Variants in FRMD4B observed in about 807,000 individuals in gnomAD.
The protein encoded by FRMD4B is FERM domain containing 4B, also known as FERM domain-containing protein 4B.
In FRMD4B, 74 loss-of-function variants were observed where a neutral mutation model predicts 141.5. That is an observed-to-expected ratio of 0.52 (90% CI 0.43 to 0.63). The LOEUF (loss-of-function observed/expected upper bound fraction) is 0.63. Among genes scored for constraint, FRMD4B ranks in the 30% least tolerant of loss-of-function variants. The probability of loss-of-function intolerance (pLI) is 0.00; values close to 1 mark genes in which losing one functional copy is unlikely to be tolerated. For missense variants in FRMD4B, 1,366 were observed against 1,253.4 expected (o/e 1.09, Z -1.36); for synonymous variants, 506 against 467.9 (o/e 1.08, Z -1.05).
At chr3:69,391,242 ATTTTTATTTT>A (rs1704376119) in intron 2 of FRMD4B, among the ~76,000 whole-genome samples, 1 of 144,614 alleles carries the variant, frequency 6.9e-6, no homozygotes, top group African/African-American at 2.6e-5. Flanking sequence ...TTATTTATTT[ATTTTTATTTT>A]TTTTTATTAT....
chr3:69,318,611 T>C (rs1701883298), intron 1 of FRMD4B, among the ~76,000 whole-genome samples: 1 of 152,206 alleles, frequency 6.6e-6, no homozygotes, highest in African/African-American at 2.4e-5. Context: ...AAGATGGCTC[T>C]GCTGATAGGT....
At chr3:69,455,872 C>T (rs1705597580) in intron 1 of FRMD4B, among the ~76,000 whole-genome samples, 1 of 152,188 alleles carries the variant, frequency 6.6e-6, no homozygotes, top group South Asian at 2.1e-4. Flanking sequence ...CAGCTTGAGA[C>T]TTCTACTCTA....
intron 1 of FRMD4B, among the ~76,000 whole-genome samples, chr3:69,381,761 A>C (rs1435004076): frequency 6.6e-6 from 1 of 152,238 alleles, no homozygotes; most frequent in Non-Finnish European, 1.5e-5. Flanking sequence ...ATCTTGAAAA[A>C]TAGCTAATAT....
At chr3:69,183,924 C>G (rs1484772615) in intron 19 of FRMD4B, among the ~76,000 whole-genome samples, 1 of 151,900 alleles carries the variant, frequency 6.6e-6, no homozygotes, top group Non-Finnish European at 1.5e-5. Flanking sequence ...TAGATGGAGT[C>G]TCGCTCTGTC....
chr3:69,200,296 G>T, intron 11 of FRMD4B: 1 of 440,812 alleles, frequency 2.3e-6, no homozygotes, highest in Non-Finnish European at 3.0e-6. Context: ...TCCGGGGTCC[G>T]CACACATAGC....
intron 2 of FRMD4B, among the ~76,000 whole-genome samples, chr3:69,399,292 A>G (rs1402303118): frequency 6.6e-6 from 1 of 152,184 alleles, no homozygotes; most frequent in African/African-American, 2.4e-5. Flanking sequence ...TAGGGTTTTA[A>G]TCCGCTGAGA....
At chr3:69,178,063 T>C (rs2092667603) in intron 21 of FRMD4B, among the ~76,000 whole-genome samples, 1 of 152,210 alleles carries the variant, frequency 6.6e-6, no homozygotes, top group African/African-American at 2.4e-5. Flanking sequence ...GCCTCATCAC[T>C]GGGCGTTTGT....
intron 1 of FRMD4B, among the ~76,000 whole-genome samples, chr3:69,341,551 T>C (rs916467344): frequency 1.3e-5 from 2 of 152,164 alleles, no homozygotes; most frequent in Non-Finnish European, 2.9e-5. Context: ...CCCATGTTAA[T>C]TATGGGACAC....
chr3:69,514,788 C>T (rs1700726120), intron 1 of FRMD4B, among the ~76,000 whole-genome samples: 1 of 151,910 alleles, frequency 6.6e-6, no homozygotes, highest in Non-Finnish European at 1.5e-5. Context: ...TCCGTGTTAC[C>T]CAAAATGATC....
At chr3:69,217,081 T>C (rs1426993897) in intron 10 of FRMD4B, among the ~76,000 whole-genome samples, 1 of 152,088 alleles carries the variant, frequency 6.6e-6, no homozygotes, top group East Asian at 1.9e-4. Flanking sequence ...GTGGTTCCAA[T>C]TCCTGATGTT....
intron 3 of FRMD4B, among the ~76,000 whole-genome samples, chr3:69,307,202 T>C (rs1701424557): frequency 6.6e-6 from 1 of 152,008 alleles, no homozygotes; most frequent in African/African-American, 2.4e-5. Context: ...TGACTATAGT[T>C]ACCTCCTTTG....
chr3:69,335,589 T>G (rs1478490554), intron 1 of FRMD4B, among the ~76,000 whole-genome samples: 1 of 151,868 alleles, frequency 6.6e-6, no homozygotes, highest in Non-Finnish European at 1.5e-5. Flanking sequence ...GTGTTGGGAT[T>G]ATGGGCATGA....
intron 1 of FRMD4B, chr3:69,541,489 TC>T (rs1701183445): frequency 6.6e-6 from 1 of 152,206 alleles, no homozygotes; most frequent in African/African-American, 2.4e-5. Flanking sequence ...AATACACGTC[TC>T]ACCCCTTTTG....
At chr3:69,228,846 A>AAAT (rs1312880778) in intron 7 of FRMD4B, among the ~76,000 whole-genome samples, 1 of 151,716 alleles carries the variant, frequency 6.6e-6, no homozygotes, top group East Asian at 1.9e-4. Context: ...AAAAAAAAAA[A>AAAT]AAAAGAATGG....
chr3:69,491,538 T>A (rs975611490), intron 1 of FRMD4B, among the ~76,000 whole-genome samples: 1 of 152,172 alleles, frequency 6.6e-6, no homozygotes, highest in African/African-American at 2.4e-5. Flanking sequence ...TAAAAGCACA[T>A]ATTTTATTCT....
chr3:69,429,742 G>A (rs1202201026), intron 2 of FRMD4B, among the ~76,000 whole-genome samples: 1 of 145,380 alleles, frequency 6.9e-6, no homozygotes, highest in East Asian at 2.1e-4. Flanking sequence ...TCTATTTGGA[G>A]ACCTCTTCTT....
intron 1 of FRMD4B, among the ~76,000 whole-genome samples, chr3:69,540,650 T>TACAC (rs1251113411): frequency 3.6e-4 from 29 of 81,514 alleles, no homozygotes; most frequent in African/African-American, 4.9e-4. Flanking sequence ...TATATATATA[T>TACAC]ATATATATAT....
chr3:69,456,993 T>C (rs374100464), intron 1 of FRMD4B, among the ~76,000 whole-genome samples: 1 of 152,206 alleles, frequency 6.6e-6, no homozygotes, highest in East Asian at 1.9e-4. Context: ...CTGCTTTAAA[T>C]GGTAGGAGTT....
At chr3:69,486,321 C>T (rs900260186) in intron 1 of FRMD4B, among the ~76,000 whole-genome samples, 4 of 152,096 alleles carry the variant, frequency 2.6e-5, no homozygotes, top group Admixed American at 6.6e-5. Flanking sequence ...ATGCATCAAC[C>T]GAGCAGTATA....
Sources: allele counts gnomAD v4.1 joint callset (sites outside exome capture counted in the v4.1 genomes callset), GRCh38; gene constraint gnomAD v4.1.1; transcripts MANE v1.5; gene names NCBI Gene and HGNC (gene_info 2026-07-23, HGNC 2026-07-21).